VASN: variants seen among roughly 807,000 people sequenced by gnomAD.
VASN encodes vasorin.
In VASN, 5 loss-of-function variants were observed where a neutral mutation model predicts 4.8. The observed-to-expected ratio is 1.03, with a 90% CI of 0.54 to 2.17. VASN has a LOEUF of 2.17. VASN is among the 30% of genes most tolerant of loss of function. VASN has a pLI of 0.01. For missense variants in VASN, 927 were observed against 948.8 expected, an observed-to-expected ratio of 0.98 and a Z score of 0.30; for synonymous variants, 499 against 460.8, an observed-to-expected ratio of 1.08 and a Z score of -1.06.
At chr16:4,378,895 C>T (rs1407970855) in intron 1 of VASN, among the ~76,000 whole-genome samples, 3 of 152,004 alleles carry the variant, frequency 2.0e-5, no homozygotes, top group East Asian at 1.9e-4. Context: ...GGCTCAGGGT[C>T]GGTAGCTCCT....
intron 1 of VASN, among the ~76,000 whole-genome samples, chr16:4,379,526 G>C (rs1020095024): frequency 6.6e-6 from 1 of 152,154 alleles, no homozygotes; most frequent in African/African-American, 2.4e-5. Flanking sequence ...GCTCGGACTT[G>C]CTGGCACCGC....
chr16:4,382,099 G>T lies in VASN; in HGVS notation c.1222G>T (p.Asp408Tyr). 1 of 1,585,370 alleles carries T rather than the reference G, an allele frequency of 6.3e-7. No individual in the cohort carries two copies. Among genetic ancestry groups the T allele is most frequent in the Non-Finnish European group, 8.6e-7 (1 of 1,167,188 alleles). ...PTVGPVPQPQ[D>Y]CPPSTCLNGG... Reference sequence around the variant, plus strand: ...TGTAGGGCCTGTCCCCCAGCCCCAGGACTGCCCACCGTCCACCTGCCTCAA... The same window carrying T: ...TGTAGGGCCTGTCCCCCAGCCCCAGTACTGCCCACCGTCCACCTGCCTCAA... The change falls in exon 2 of 2, where the codon GAC (aspartate) becomes TAC (tyrosine). Residue 408 changes from aspartate (D) to tyrosine (Y), a missense_variant. Coordinates refer to ENST00000304735, the MANE Select transcript of VASN (RefSeq NM_138440.3).
rs147449369 is a variant in VASN at position 4,381,175 on chromosome 16, G to A, written c.298G>A (p.Ala100Thr). The A allele has an allele frequency of 1.2e-5, 20 of 1,611,626 alleles. No individual in the cohort carries two copies. The highest frequency in any genetic ancestry group is 1.2e-4 in the South Asian group (11 of 90,922). Residue 100 changes from alanine (A) to threonine (T), a missense_variant, in exon 2 of 2, where the codon GCC (alanine) becomes ACC (threonine). Ala to Thr is a moderately conservative substitution (Grantham distance 58, BLOSUM62 0). Transcript: ENST00000304735. ...SLPSGVFQPLANLSNLDLTAN... is the reference protein window; with the variant it reads ...SLPSGVFQPLTNLSNLDLTAN... ...GCCCAGCGGGGTCTTCCAGCCACTCGCCAACCTCAGCAACCTGGACCTGAC... is the reference window on the plus strand; with the variant it reads ...GCCCAGCGGGGTCTTCCAGCCACTCACCAACCTCAGCAACCTGGACCTGAC...
intron 1 of VASN, among the ~76,000 whole-genome samples, chr16:4,374,550 G>T (rs749930403): frequency 2.1e-4 from 32 of 152,182 alleles, no homozygotes; most frequent in African/African-American, 7.5e-4. Context: ...GGCCTACACC[G>T]GGAAGGGGCT....
rs202109996 is a variant in VASN, at chr16:4,382,052, C to T, written c.1175C>T (p.Pro392Leu). 1.3e-5 allele frequency: 21 copies of T among 1,591,940 alleles called. No homozygotes were observed. Among genetic ancestry groups the T allele is most frequent in the East Asian group, 1.1e-4 (5 of 43,888 alleles). ...GAGCCGGCCACTGAGGCCCCCAGCC[C>T]GCCCTCCACTGCCCCACCGACTGTA... Reference protein sequence around the residue: ...PTEPATEAPSPPSTAPPTVGP... With the variant: ...PTEPATEAPSLPSTAPPTVGP... The change falls in exon 2 of 2, where the codon CCG (proline) becomes CTG (leucine). Residue 392 changes from proline (P) to leucine (L), a missense_variant. Coordinates refer to ENST00000304735, the MANE Select transcript of VASN (RefSeq NM_138440.3).
chr16:4,377,879 G>C (rs926220041), intron 1 of VASN, among the ~76,000 whole-genome samples: 4 of 152,130 alleles, frequency 2.6e-5, no homozygotes, highest in Non-Finnish European at 4.4e-5. Flanking sequence ...GGTCAGCCCA[G>C]GACCCCAGCC....
intron 1 of VASN, among the ~76,000 whole-genome samples, chr16:4,374,980 G>C (rs1413657724): frequency 6.6e-6 from 1 of 152,086 alleles, no homozygotes; most frequent in East Asian, 1.9e-4. Flanking sequence ...TGAGGGCCCA[G>C]CCCTGGTGGC....
rs757364192 is a variant in VASN at position 4,381,835 on chromosome 16, C to T, written c.958C>T (p.Leu320=). The T allele has an allele frequency of 4.9e-5, 78 of 1,601,306 alleles. 1 individual carries two copies. In the South Asian group the frequency reaches 7.4e-4, roughly 15 times the overall value. Residue 320 remains leucine (L), a synonymous_variant, in exon 2 of 2, where the codon CTG becomes TTG. Coordinates refer to ENST00000304735, the MANE Select transcript of VASN (RefSeq NM_138440.3). ...GPWVRESHVT[L]ASPEETRCHF... ...CTGGGTGCGCGAGAGCCACGTCACA[C>T]TGGCCAGCCCTGAGGAGACGCGCTG...
At chr16:4,377,664 G>A (rs904514032) in intron 1 of VASN, among the ~76,000 whole-genome samples, 17 of 152,196 alleles carry the variant, frequency 1.1e-4, no homozygotes, top group African/African-American at 3.6e-4. Flanking sequence ...TCTCGGGGCT[G>A]GCTGATGGGT....
chr16:4,381,946 A>G lies in VASN; in HGVS notation c.1069A>G (p.Thr357Ala). The change falls in exon 2 of 2, where the codon ACA becomes GCA. Residue 357 changes from threonine (T) to alanine (A), a missense_variant. By Grantham distance (58) the Thr-to-Ala change is moderately conservative. Coordinates refer to ENST00000304735, the MANE Select transcript of VASN (RefSeq NM_138440.3). ...CTGCCCAGCCACCACCACCACAGCC[A>G]CAGTGCCCACCACGAGGCCCGTGGT... Reference protein sequence around the residue: ...FGCPATTTTATVPTTRPVVRE... With the variant: ...FGCPATTTTAAVPTTRPVVRE... 2 of 1,608,542 alleles carry G rather than the reference A, an allele frequency of 1.2e-6. No individual in the cohort carries two copies. The highest frequency in any genetic ancestry group is 1.7e-6 in the Non-Finnish European group (2 of 1,179,038).
intron 1 of VASN, among the ~76,000 whole-genome samples, chr16:4,377,661 G>T (rs770477120): frequency 6.6e-6 from 1 of 152,200 alleles, no homozygotes; most frequent in Non-Finnish European, 1.5e-5. Flanking sequence ...TCCTCTCGGG[G>T]CTGGCTGATG....
At chr16:4,374,578 C>G (rs887550982) in intron 1 of VASN, among the ~76,000 whole-genome samples, 14 of 152,106 alleles carry the variant, frequency 9.2e-5, no homozygotes, top group African/African-American at 3.4e-4. Context: ...CCGCTGGGGC[C>G]CCTGCTGGCC....
In VASN at chr16:4,383,031, G is replaced by C; in HGVS notation, c.*132G>C. 9.7e-7 allele frequency: 1 copy of C among 1,025,838 alleles called. No homozygotes were observed. The highest frequency in any genetic ancestry group is 1.4e-6 in the Non-Finnish European group (1 of 726,176). The allele number at this position is 1,025,838 out of a possible 1,614,324, so 63.5% of individuals were successfully genotyped here. The stretch of plus-strand genomic sequence containing the variant: ...GTGCAGACAGGGCTGTGTGACCACA[G>C]CTGGGCCCTGTTCCCTCTGGACCTC... On this transcript the variant is annotated 3_prime_UTR_variant, in exon 2 of 2. Coordinates refer to ENST00000304735, the MANE Select transcript of VASN (RefSeq NM_138440.3).
intron 1 of VASN, among the ~76,000 whole-genome samples, chr16:4,374,912 G>T (rs112415855): frequency 1.3e-5 from 2 of 152,096 alleles, no homozygotes; most frequent in Non-Finnish European, 2.9e-5. Context: ...GCAGGTTAGG[G>T]CCTTACTAGA....
rs1249091065 is a variant in VASN, at chr16:4,381,162, C to G, written c.285C>G (p.Val95=). The G allele has an allele frequency of 1.2e-6, 2 of 1,611,188 alleles. No individual in the cohort carries two copies. The highest frequency in any genetic ancestry group is 1.7e-6 in the Non-Finnish European group (2 of 1,179,308). Residue 95 remains valine, a synonymous_variant, in exon 2 of 2, where the codon GTC becomes GTG. Coordinates refer to ENST00000304735, the MANE Select transcript of VASN (RefSeq NM_138440.3). The stretch of plus-strand genomic sequence containing the variant: ...AGATCGCCAGCCTGCCCAGCGGGGT[C>G]TTCCAGCCACTCGCCAACCTCAGCA... ...QNQIASLPSG[V]FQPLANLSNL...
In VASN at chr16:4,381,281, G is replaced by A. The variant is rs147270770; in HGVS notation, c.404G>A (p.Arg135His). ...GAGCGCCTCTACCTGGGCAAGAACCGCATCCGCCACATCCAGCCTGGTGCC... is the reference window on the plus strand; with the variant it reads ...GAGCGCCTCTACCTGGGCAAGAACCACATCCGCCACATCCAGCCTGGTGCC... ...RLERLYLGKN[R>H]IRHIQPGAFD... The change falls in exon 2 of 2, where the codon CGC (arginine) becomes CAC (histidine). Residue 135 changes from arginine to histidine, a missense_variant. Transcript: ENST00000304735. 742 of 1,610,968 alleles carry A rather than the reference G, an allele frequency of 4.6e-4. 7 individuals are homozygous for A. Among genetic ancestry groups the A allele is most frequent in the Admixed American group, 1.7e-4 (10 of 59,874 alleles).
rs114837449 is a variant in VASN at position 4,381,156 on chromosome 16, C to T, written c.279C>T (p.Ser93=). The T allele has an allele frequency of 5.4e-4, 877 of 1,611,054 alleles. 8 individuals are homozygous for T. In the African/African-American group the frequency reaches 0.01, roughly 19 times the overall value. The change falls in exon 2 of 2, where the codon AGC becomes AGT. Residue 93 remains serine (S), a synonymous_variant. Coordinates refer to ENST00000304735, the MANE Select transcript of VASN (RefSeq NM_138440.3). Reference sequence around the variant, plus strand: ...AGAACCAGATCGCCAGCCTGCCCAGCGGGGTCTTCCAGCCACTCGCCAACC... The same window carrying T: ...AGAACCAGATCGCCAGCCTGCCCAGTGGGGTCTTCCAGCCACTCGCCAACC... ...LSQNQIASLP[S]GVFQPLANLS...
At chr16:4,376,544 C>T (rs1406143487) in intron 1 of VASN, among the ~76,000 whole-genome samples, 1 of 152,158 alleles carries the variant, frequency 6.6e-6, no homozygotes, top group Admixed American at 6.5e-5. Flanking sequence ...CACCGCCTGC[C>T]CCAGAATCAG....
In VASN at chr16:4,381,264, C is replaced by T. The variant is rs532373418; in HGVS notation, c.387C>T (p.Leu129=). 4.3e-6 allele frequency: 7 copies of T among 1,611,792 alleles called. No homozygotes were observed. In the African/African-American group the frequency reaches 6.7e-5, roughly 15 times the overall value. The change falls in exon 2 of 2, where the codon CTC becomes CTT. Residue 129 remains leucine (L), a synonymous_variant. Transcript: ENST00000304735. Reference sequence around the variant, plus strand: ...GTGGCCTGCGGCGCCTCGAGCGCCTCTACCTGGGCAAGAACCGCATCCGCC... The same window carrying T: ...GTGGCCTGCGGCGCCTCGAGCGCCTTTACCTGGGCAAGAACCGCATCCGCC... ...TFRGLRRLER[L]YLGKNRIRHI...
Sources: gnomAD v4.1 joint callset for allele counts (sites outside exome capture counted in the v4.1 genomes callset) on GRCh38, gnomAD v4.1.1 for gene constraint, MANE v1.5 for transcripts, NCBI Gene and HGNC (gene_info 2026-07-23, HGNC 2026-07-21) for gene names.